ACTR3C: variants seen among roughly 807,000 people sequenced by gnomAD.
The protein encoded by ACTR3C is actin related protein 3C, also known as actin-related protein 3C.
ACTR3C carries 18 observed loss-of-function variants against 26.3 expected under a neutral mutation model. The ratio of observed to expected loss-of-function variants is 0.68; its 90% CI spans 0.47 to 1.01. ACTR3C has a LOEUF of 1.01. Among genes scored for constraint, ACTR3C ranks in the 50% least tolerant of loss-of-function variants. The pLI is 0.00. For synonymous variants in ACTR3C, 55 were observed against 94.5 expected (o/e 0.58, Z 2.42); for missense variants, 184 against 250.7 (o/e 0.73, Z 1.80).
chr7:150,004,349 C>A, the ACTR3C span: 1 of 152,156 alleles, frequency 6.6e-6, no homozygotes, highest in East Asian at 1.9e-4. Context: ...AGAAGCTCAG[C>A]ATAGCCATAG....
the ACTR3C span, among the ~76,000 whole-genome samples, chr7:149,905,086 A>T: frequency 6.6e-6 from 1 of 151,570 alleles, no homozygotes; most frequent in Admixed American, 6.6e-5. Flanking sequence ...TATAATTTTC[A>T]TGGAACTTAA....
At chr7:150,126,971 T>C in the ACTR3C span, among the ~76,000 whole-genome samples, 1 of 152,204 alleles carries the variant, frequency 6.6e-6, no homozygotes, top group Non-Finnish European at 1.5e-5. Flanking sequence ...ACACTAAAAA[T>C]GAACAGTGCA....
At chr7:149,939,788 G>A in the ACTR3C span, among the ~76,000 whole-genome samples, 20 of 147,852 alleles carry the variant, frequency 1.4e-4, no homozygotes, top group African/African-American at 4.5e-4. Context: ...TCGTGACTCC[G>A]CAATACAGCA....
chr7:150,011,235 G>A, the ACTR3C span, among the ~76,000 whole-genome samples: 1 of 152,028 alleles, frequency 6.6e-6, no homozygotes, highest in Non-Finnish European at 1.5e-5. Flanking sequence ...TAAATAACCA[G>A]GACAATGCAA....
chr7:150,103,073 A>ATGTG, the ACTR3C span, among the ~76,000 whole-genome samples: 5 of 146,960 alleles, frequency 3.4e-5, no homozygotes, highest in Non-Finnish European at 7.5e-5. Flanking sequence ...GTGTGTGTGT[A>ATGTG]TGTGTGTGTG....
the ACTR3C span, among the ~76,000 whole-genome samples, chr7:149,952,569 A>G: frequency 6.9e-6 from 1 of 145,724 alleles, no homozygotes; most frequent in Admixed American, 6.7e-5. Flanking sequence ...CACACAGAAA[A>G]GAAAGAGATG....
chr7:150,233,229 C>T, the ACTR3C span, among the ~76,000 whole-genome samples: 1 of 150,800 alleles, frequency 6.6e-6, no homozygotes. Flanking sequence ...TTTATTTTAG[C>T]ATTTAAATAC....
the ACTR3C span, among the ~76,000 whole-genome samples, chr7:150,214,860 A>G: frequency 1.3e-5 from 2 of 151,838 alleles, no homozygotes; most frequent in African/African-American, 2.4e-5. Context: ...AGTAGAAAAA[A>G]CTCATTCTAG....
Position 150,274,740 on chromosome 7 carries a change from T to A in ACTR3C, c.564+10013A>T, listed in dbSNP as rs1187463190. 6.6e-6 allele frequency among the ~76,000 whole-genome samples: 1 copy of A among 152,156 alleles called. No individual in the cohort carries two copies. The highest frequency in any genetic ancestry group is 1.5e-5 in the Non-Finnish European group (1 of 68,032). On this transcript the variant is annotated intron_variant, in intron 6 of 7. Transcript: ENST00000683684. The surrounding 1 kb of genome is among the most constrained non-coding windows in gnomAD (Gnocchi z 4.1). Reference sequence around the variant, plus strand: ...CGCAGCTTGGCCCTGACGCCTATACTCTTAACCACGACAAACTAAAAATAA... The same window carrying A: ...CGCAGCTTGGCCCTGACGCCTATACACTTAACCACGACAAACTAAAAATAA...
chr7:150,280,509 C>T (rs1277169423), intron 6 of ACTR3C, among the ~76,000 whole-genome samples: 17 of 152,234 alleles, frequency 1.1e-4, no homozygotes, highest in Admixed American at 2.6e-4. Context: ...CCAGGTGCTG[C>T]GGAGTGGGGA....
the ACTR3C span, among the ~76,000 whole-genome samples, chr7:149,949,711 C>T: frequency 6.8e-6 from 1 of 147,202 alleles, no homozygotes; most frequent in African/African-American, 2.7e-5. Flanking sequence ...ATTTTGGATG[C>T]TTCCTGCAAA....
chr7:150,057,752 G>A, the ACTR3C span, among the ~76,000 whole-genome samples: 930 of 152,286 alleles, frequency 6.1e-3, 4 homozygotes, highest in African/African-American at 0.021. Context: ...TTAAATGATG[G>A]CATTGCCAAG....
the ACTR3C span, among the ~76,000 whole-genome samples, chr7:150,181,302 A>T: frequency 6.6e-6 from 1 of 151,080 alleles, no homozygotes; most frequent in Non-Finnish European, 1.5e-5. Context: ...TACATTTGTT[A>T]TTTATTTCCA....
At chr7:150,178,372 T>C in the ACTR3C span, among the ~76,000 whole-genome samples, 1 of 148,068 alleles carries the variant, frequency 6.8e-6, no homozygotes, top group Admixed American at 6.7e-5. Flanking sequence ...AACCTCTGCC[T>C]CCTGGGTTCA....
At chr7:150,115,254 G>C in the ACTR3C span, among the ~76,000 whole-genome samples, 1 of 152,130 alleles carries the variant, frequency 6.6e-6, no homozygotes, top group Non-Finnish European at 1.5e-5. Context: ...TCATTCCTTA[G>C]TCCCATCTAC....
At chr7:150,001,290 T>G in the ACTR3C span, 1 of 152,052 alleles carries the variant, frequency 6.6e-6, no homozygotes, top group African/African-American at 2.4e-5. Flanking sequence ...GGAAAAACAT[T>G]ATTTGAAAAC....
At chr7:150,237,948 G>A in the ACTR3C span, among the ~76,000 whole-genome samples, 12 of 148,898 alleles carry the variant, frequency 8.1e-5, no homozygotes, top group Non-Finnish European at 1.8e-4. Context: ...CCAACATGGT[G>A]TCTGTTTCTT....
At chr7:150,102,813 A>C in the ACTR3C span, among the ~76,000 whole-genome samples, 3 of 151,784 alleles carry the variant, frequency 2.0e-5, no homozygotes, top group African/African-American at 7.3e-5. Context: ...GCAGCTGCCC[A>C]GTGCTTCTCT....
At chr7:150,237,483 C>T in the ACTR3C span, among the ~76,000 whole-genome samples, 2 of 151,954 alleles carry the variant, frequency 1.3e-5, no homozygotes. Context: ...CATGTCCCAC[C>T]CTGTCTTTCT....
Sources: gnomAD v4.1 joint callset for allele counts (sites outside exome capture counted in the v4.1 genomes callset) on GRCh38, gnomAD v4.1.1 for gene constraint, Gnocchi (gnomAD v3.1) non-coding constraint, MANE v1.5 for transcripts, NCBI Gene and HGNC (gene_info 2026-07-23, HGNC 2026-07-21) for gene names.